Variants in ATXN8OS observed in about 807,000 individuals in gnomAD.
ATXN8OS encodes the protein ATXN8 opposite strand lncRNA, also known as ATXN8 opposite strand (non-protein coding).
intron 2 of ATXN8OS, among the ~76,000 whole-genome samples, chr13:70,129,604 CTATAAT>C (rs1053177697): frequency 1.3e-5 from 2 of 151,924 alleles, no homozygotes; most frequent in African/African-American, 4.8e-5. Flanking sequence ...TTACGTGAAC[CTATAAT>C]TATATGTATT....
chr13:70,114,595 T>C (rs1888247531), intron 1 of ATXN8OS, among the ~76,000 whole-genome samples: 1 of 152,126 alleles, frequency 6.6e-6, no homozygotes, highest in Non-Finnish European at 1.5e-5. Flanking sequence ...GATTCCCAGA[T>C]TAAACATAGA....
chr13:70,154,449 G>A (rs1459627296), intron 4 of ATXN8OS, among the ~76,000 whole-genome samples: 1 of 152,116 alleles, frequency 6.6e-6, no homozygotes, highest in Non-Finnish European at 1.5e-5. Flanking sequence ...CATCAGGGTT[G>A]GAGGAGGTGG....
intron 4 of ATXN8OS, among the ~76,000 whole-genome samples, chr13:70,164,809 A>G (rs1889059892): frequency 6.6e-6 from 1 of 152,006 alleles, no homozygotes; most frequent in Non-Finnish European, 1.5e-5. Flanking sequence ...CTGTATTTCT[A>G]GAAAATGATT....
intron 2 of ATXN8OS, among the ~76,000 whole-genome samples, chr13:70,116,042 T>C (rs1411687685): frequency 6.6e-6 from 1 of 152,108 alleles, no homozygotes; most frequent in African/African-American, 2.4e-5. Context: ...CCATAAGCTT[T>C]AGTTACATTA....
At chr13:70,165,177 T>C (rs941435219) in intron 4 of ATXN8OS, among the ~76,000 whole-genome samples, 1 of 151,742 alleles carries the variant, frequency 6.6e-6, no homozygotes, top group Non-Finnish European at 1.5e-5. Flanking sequence ...ACAAAAGTTA[T>C]CAGGAAAACG....
chr13:70,110,595 G>T (rs1566586294), intron 1 of ATXN8OS, among the ~76,000 whole-genome samples: 1 of 151,876 alleles, frequency 6.6e-6, no homozygotes, highest in African/African-American at 2.4e-5. Flanking sequence ...GCGAGAGAGG[G>T]AAAGACAGAG....
intron 4 of ATXN8OS, among the ~76,000 whole-genome samples, chr13:70,156,074 T>G (rs1888932292): frequency 6.6e-6 from 1 of 152,138 alleles, no homozygotes; most frequent in Admixed American, 6.6e-5. Flanking sequence ...TTTCCTAACT[T>G]TATGAACAGA....
At chr13:70,136,986 A>T (rs772985078) in intron 3 of ATXN8OS, among the ~76,000 whole-genome samples, 1 of 152,134 alleles carries the variant, frequency 6.6e-6, no homozygotes, top group African/African-American at 2.4e-5. Flanking sequence ...CCCTTCTGAG[A>T]TGTGATCACT....
chr13:70,166,246 C>T (rs527722209), intron 4 of ATXN8OS, among the ~76,000 whole-genome samples: 2 of 152,142 alleles, frequency 1.3e-5, no homozygotes, highest in African/African-American at 4.8e-5. Context: ...GGAGGCATCA[C>T]GCTACCTGAC....
intron 2 of ATXN8OS, among the ~76,000 whole-genome samples, chr13:70,128,384 A>C (rs539381118): frequency 6.6e-6 from 1 of 152,108 alleles, no homozygotes; most frequent in East Asian, 1.9e-4. Flanking sequence ...TGTCTTTTAC[A>C]ATGTAATTCA....
intron 2 of ATXN8OS, among the ~76,000 whole-genome samples, chr13:70,126,549 T>C (rs1303269721): frequency 2.0e-5 from 3 of 152,022 alleles, no homozygotes; most frequent in African/African-American, 7.2e-5. Context: ...TATCTATCTG[T>C]GTATATATTA....
intron 3 of ATXN8OS, among the ~76,000 whole-genome samples, chr13:70,142,887 A>G (rs1462002539): frequency 2.6e-5 from 4 of 152,214 alleles, no homozygotes. Context: ...CAACCTGACC[A>G]ACATGGAGAA....
exon 5 of ATXN8OS, among the ~76,000 whole-genome samples, chr13:70,169,848 A>C (rs1889124485): frequency 1.3e-5 from 2 of 152,038 alleles, no homozygotes; most frequent in South Asian, 2.1e-4. Flanking sequence ...CCTTGCCTCT[A>C]TTTGGGACAA....
chr13:70,155,134 T>C (rs572886633), intron 4 of ATXN8OS, among the ~76,000 whole-genome samples: 1 of 152,346 alleles, frequency 6.6e-6, no homozygotes, highest in African/African-American at 2.4e-5. Context: ...CCGAGGTCTC[T>C]CTCGTCCTCC....
chr13:70,127,745 T>C (rs1230892372), intron 2 of ATXN8OS, among the ~76,000 whole-genome samples: 1 of 68,272 alleles, frequency 1.5e-5, no homozygotes, highest in Admixed American at 1.5e-4. Flanking sequence ...ATCAAATCAT[T>C]AATCATGTTA....
At chr13:70,109,272 G>A (rs1341097063) in intron 1 of ATXN8OS, among the ~76,000 whole-genome samples, 2 of 152,202 alleles carry the variant, frequency 1.3e-5, no homozygotes, top group East Asian at 3.9e-4. Flanking sequence ...TACTTGGAAT[G>A]TTTTAACCTT....
At chr13:70,154,235 T>C (rs935192006) in intron 4 of ATXN8OS, among the ~76,000 whole-genome samples, 3 of 152,200 alleles carry the variant, frequency 2.0e-5, no homozygotes, top group Admixed American at 2.0e-4. Context: ...TCCCAGTCCA[T>C]GTCAATCACA....
intron 2 of ATXN8OS, among the ~76,000 whole-genome samples, chr13:70,127,457 T>G (rs1203903616): frequency 6.6e-6 from 1 of 152,056 alleles, no homozygotes; most frequent in Non-Finnish European, 1.5e-5. Flanking sequence ...AACTTAGTGT[T>G]CTAAAAATAA....
At chr13:70,118,819 C>G (rs1888318443) in intron 2 of ATXN8OS, among the ~76,000 whole-genome samples, 1 of 140,764 alleles carries the variant, frequency 7.1e-6, no homozygotes, top group Admixed American at 7.7e-5. Flanking sequence ...TTCTGATATA[C>G]TCTTACAGAT....
Sources: gnomAD v4.1 joint callset for allele counts (sites outside exome capture counted in the v4.1 genomes callset) on GRCh38, gnomAD v4.1.1 for gene constraint, MANE v1.5 for transcripts, NCBI Gene and HGNC (gene_info 2026-07-23, HGNC 2026-07-21) for gene names.